The following SZT2 variants were observed in gnomAD, a reference collection of about 807,000 sequenced individuals.
The protein encoded by SZT2 is SZT2 subunit of KICSTOR complex.
A neutral mutation model predicts 404.2 loss-of-function variants in SZT2; 216 were observed. The observed-to-expected ratio is 0.53, with a 90% CI of 0.48 to 0.60. The LOEUF (loss-of-function observed/expected upper bound fraction) is 0.60, where lower values mean the gene tolerates loss of function less well. Among genes scored for constraint, SZT2 ranks in the 20% least tolerant of loss-of-function variants. The probability of loss-of-function intolerance (pLI) is 0.00; values close to 1 mark genes in which losing one functional copy is unlikely to be tolerated. For synonymous variants in SZT2, 1,693 were observed against 1,749.9 expected (o/e 0.97, Z 0.81); for missense variants, 3,857 against 4,459.2 (o/e 0.86, Z 3.85).
chr1:43,424,704 G>T lies in SZT2; in HGVS notation c.2472-80G>T. Reference sequence around the variant, plus strand: ...CTCCTTGAGGACTGCTGGGAGGTGGGTGTATGTGGGGAGAGCTTGTAGTCT... The same window carrying T: ...CTCCTTGAGGACTGCTGGGAGGTGGTTGTATGTGGGGAGAGCTTGTAGTCT... On this transcript the variant is annotated intron_variant, in intron 16 of 71. Transcript: ENST00000634258. This position sits in a 1 kb window ranked among gnomAD's most constrained non-coding sequence, Gnocchi z 4.1. The T allele has an allele frequency of 4.0e-6, 5 of 1,247,086 alleles. No individual in the cohort carries two copies. Among genetic ancestry groups the T allele is most frequent in the Non-Finnish European group, 5.8e-6 (5 of 858,382 alleles). 77.3% of individuals were successfully genotyped at this position (1,247,086 alleles called of 1,614,324 possible). A position where few individuals can be genotyped will look rare whatever the true frequency, so the allele number is the denominator to read the frequency against.
In SZT2 at chr1:43,420,772, C is replaced by T. The variant is rs747078636; in HGVS notation, c.1285C>T (p.Leu429=). The change falls in exon 10 of 72, where the codon CTG becomes TTG. Residue 429 remains leucine, a synonymous_variant. Transcript: ENST00000634258. This position sits in a 1 kb window ranked among gnomAD's most constrained non-coding sequence, Gnocchi z 5.1. ...AKGGSQLEVK[L]VLLWKHNMRI... is the part of the protein sequence containing the mutation. ...AGGAGGGTCCCAATTGGAGGTAAAGCTGGTGCTGCTGTGGAAACACAACAT... is the reference window on the plus strand; with the variant it reads ...AGGAGGGTCCCAATTGGAGGTAAAGTTGGTGCTGCTGTGGAAACACAACAT... 1.3e-6 allele frequency: 2 copies of T among 1,598,426 alleles called. No homozygotes were observed. The highest frequency in any genetic ancestry group is 1.7e-6 in the Non-Finnish European group (2 of 1,179,814).
rs984254808 is a variant in SZT2, at chr1:43,454,050, G to C, written c.*3570G>C. ...AAAAGGAGCAGGACCCGCGCCTGGA[G>C]AAGGTAGGGAGGCCGAGCTCCAGGG... On this transcript the variant is annotated 3_prime_UTR_variant, in exon 72 of 72. Coordinates refer to ENST00000634258, the MANE Select transcript of SZT2 (RefSeq NM_001365999.1). 4.4e-6 allele frequency: 5 copies of C among 1,143,848 alleles called. No individual in the cohort carries two copies. The Admixed American group carries it at 1.9e-4, about 44-fold the overall frequency. The allele number at this position is 1,143,848 out of a possible 1,614,324, so 70.9% of individuals were successfully genotyped here.
intron 4 of SZT2, 26 bp from the exon 5 acceptor site, chr1:43,415,056 C>T (rs1374123042): frequency 6.3e-7 from 1 of 1,595,420 alleles, no homozygotes; most frequent in East Asian, 2.2e-5. Flanking sequence ...ACCGTCCTGT[C>T]TCAGTCTTTC....
Position 43,430,743 on chromosome 1 carries a change from T to TG in SZT2, c.4731dup (p.Gln1578AlafsTer66). On this transcript the variant is annotated frameshift_variant, in exon 32 of 72. Coordinates refer to ENST00000634258, the MANE Select transcript of SZT2 (RefSeq NM_001365999.1). LOFTEE classifies it high-confidence loss of function. ...ACCTCACGTGCTCCGTGCGGCTACG[T>TG]GGGCAGCACAGCTCAGTACCTGTGT... 3 of 1,612,818 alleles carry TG rather than the reference T, an allele frequency of 1.9e-6. No homozygotes were observed. The highest frequency in any genetic ancestry group is 2.5e-6 in the Non-Finnish European group (3 of 1,179,992).
chr1:43,448,356 C>T lies in SZT2; in HGVS notation c.9841C>T (p.Arg3281Cys), dbSNP rs1442388656. ...GHCRRDTLWK[R>C]LFLLEPPGPD... Reference sequence around the variant, plus strand: ...CTGCCGTCGGGACACCCTTTGGAAGCGCCTCTTCTTGCTGGAGCCACCGGG... The same window carrying T: ...CTGCCGTCGGGACACCCTTTGGAAGTGCCTCTTCTTGCTGGAGCCACCGGG... Residue 3281 changes from arginine (R) to cysteine (C), a missense_variant, in exon 69 of 72, where the codon CGC (arginine) becomes TGC (cysteine). By Grantham distance (180) the Arg-to-Cys change is radical. Transcript: ENST00000634258. This position sits in a 1 kb window ranked among gnomAD's most constrained non-coding sequence, Gnocchi z 4.2. The T allele has an allele frequency of 6.4e-6, 10 of 1,554,250 alleles. No individual in the cohort carries two copies. Among genetic ancestry groups the T allele is most frequent in the Middle Eastern group, 1.7e-4 (1 of 6,010 alleles).
Position 43,451,628 on chromosome 1 carries a change from G to A in SZT2, c.*1148G>A, listed in dbSNP as rs757368137. On this transcript the variant is annotated 3_prime_UTR_variant, in exon 72 of 72. Transcript: ENST00000634258. The stretch of plus-strand genomic sequence containing the variant: ...ATGTGGGGATTGAAAGGGTGGGAGG[G>A]CAAAGGAAGGTCCTCTCACCAACAA... 1.9e-6 allele frequency: 3 copies of A among 1,613,980 alleles called. No individual in the cohort carries two copies. The Admixed American group carries it at 5.0e-5, about 27-fold the overall frequency.
chr1:43,425,787 C>T lies in SZT2; in HGVS notation c.2815-48C>T, dbSNP rs745515972. 1.2e-5 allele frequency: 19 copies of T among 1,600,238 alleles called. No individual in the cohort carries two copies. Among genetic ancestry groups the T allele is most frequent in the Non-Finnish European group, 1.6e-5 (19 of 1,168,804 alleles). ...CCTGAAGAGCTGGAACCCAGGGTAT[C>T]CTGGGCTAAGAGGGGTTGACTCCTG... On this transcript the variant is annotated intron_variant, in intron 19 of 71. Coordinates refer to ENST00000634258, the MANE Select transcript of SZT2 (RefSeq NM_001365999.1). This position sits in a 1 kb window ranked among gnomAD's most constrained non-coding sequence, Gnocchi z 4.3.
In SZT2 at chr1:43,430,335, G is replaced by A. The variant is rs1168415579; in HGVS notation, c.4426G>A (p.Asp1476Asn). 5 of 1,612,388 alleles carry A rather than the reference G, an allele frequency of 3.1e-6. No homozygotes were observed. Among genetic ancestry groups the A allele is most frequent in the Non-Finnish European group, 4.2e-6 (5 of 1,179,634 alleles). ...GGATGAGGGGCCTCGGGACACAGTA[G>A]ACAGAAAAATCAGTGACCTGGAGTT... ...REDEGPRDTV[D>N]RKISDLEFSE... The change falls in exon 31 of 72, where the codon GAC becomes AAC. Residue 1476 changes from aspartate to asparagine, a missense_variant. Coordinates refer to ENST00000634258, the MANE Select transcript of SZT2 (RefSeq NM_001365999.1).
chr1:43,427,735 G>A lies in SZT2; in HGVS notation c.3803+1G>A. On this transcript the variant is annotated splice_donor_variant, in intron 26 of 71. Transcript: ENST00000634258. LOFTEE classifies it high-confidence loss of function. ...AGGCGCCCCGAGACCTCATCTTCCGGTGAGTGCCTTCAGTGTTGACCTAAG... is the reference window on the plus strand; with the variant it reads ...AGGCGCCCCGAGACCTCATCTTCCGATGAGTGCCTTCAGTGTTGACCTAAG... 6.2e-7 allele frequency: 1 copy of A among 1,612,902 alleles called. No individual in the cohort carries two copies. Among genetic ancestry groups the A allele is most frequent in the Non-Finnish European group, 8.5e-7 (1 of 1,179,852 alleles).
intron 26 of SZT2, 23 bp downstream of exon 26, chr1:43,427,757 T>G: frequency 1.2e-6 from 2 of 1,609,996 alleles, no homozygotes; most frequent in Non-Finnish European, 8.5e-7. Context: ...AGTGTTGACC[T>G]AAGTCCTCGC....
intron 62 of SZT2, among the ~76,000 whole-genome samples, chr1:43,444,157 C>T (rs986378053): frequency 2.5e-4 from 38 of 152,150 alleles, no homozygotes; most frequent in African/African-American, 8.0e-4. Flanking sequence ...AGTGCAGTGG[C>T]GCGATCTCGG....
chr1:43,411,559 A>T (rs766604904), intron 4 of SZT2, among the ~76,000 whole-genome samples: 10 of 152,106 alleles, frequency 6.6e-5, no homozygotes, highest in Non-Finnish European at 1.5e-4. Context: ...CCCCTTTGAG[A>T]TTGGGCAGGA....
Position 43,432,722 on chromosome 1 carries a change from A to G in SZT2, c.5531-6A>G. ...GAGGCTCCAGGCATTTTCCTTCTCT[A>G]TCCAGGGAGTCAGCCTGGGCCCAGC... On this transcript the variant is annotated splice_polypyrimidine_tract_variant and splice_region_variant and intron_variant, in intron 38 of 71. Coordinates refer to ENST00000634258, the MANE Select transcript of SZT2 (RefSeq NM_001365999.1). 6.2e-7 allele frequency: 1 copy of G among 1,613,914 alleles called. No individual in the cohort carries two copies. Among genetic ancestry groups the G allele is most frequent in the South Asian group, 1.1e-5 (1 of 91,062 alleles).
rs183738799 is a variant in SZT2 at position 43,452,940 on chromosome 1, C to T, written c.*2460C>T. On this transcript the variant is annotated 3_prime_UTR_variant, in exon 72 of 72. Coordinates refer to ENST00000634258, the MANE Select transcript of SZT2 (RefSeq NM_001365999.1). Reference sequence around the variant, plus strand: ...AGGAACGCTGCCAAATACACCAGGCCTCCTCTTGCCACAGCACCCTTGCAA... The same window carrying T: ...AGGAACGCTGCCAAATACACCAGGCTTCCTCTTGCCACAGCACCCTTGCAA... 1.1e-5 allele frequency: 17 copies of T among 1,609,046 alleles called. No homozygotes were observed. The East Asian group carries it at 2.5e-4, about 23-fold the overall frequency.
At chr1:43,395,257 C>T (rs543556782) in intron 1 of SZT2, among the ~76,000 whole-genome samples, 3 of 152,150 alleles carry the variant, frequency 2.0e-5, no homozygotes, top group Non-Finnish European at 4.4e-5. Context: ...AGGTATTAGC[C>T]TGAACAGGTT....
intron 7 of SZT2, among the ~76,000 whole-genome samples, chr1:43,418,216 A>G (rs1176037872): frequency 1.3e-5 from 2 of 152,148 alleles, no homozygotes; most frequent in Non-Finnish European, 2.9e-5. Flanking sequence ...GAGAATGGTA[A>G]CCAGAGGGAA....
chr1:43,396,723 C>G (rs1284096387), intron 1 of SZT2, among the ~76,000 whole-genome samples: 1 of 152,246 alleles, frequency 6.6e-6, no homozygotes, highest in Non-Finnish European at 1.5e-5. Context: ...CACTTTCTTT[C>G]TGTAACACTG....
rs374868486 is a variant in SZT2 at position 43,429,969 on chromosome 1, G to A, written c.4309-42G>A. The A allele has an allele frequency of 1.6e-4, 257 of 1,613,284 alleles. 1 individual carries two copies. In the African/African-American group the frequency reaches 3.0e-3, roughly 19 times the overall value. The stretch of plus-strand genomic sequence containing the variant: ...AGGGTAGGGAGTAGTATCCTGTTGA[G>A]GGGTGACTGACATTCTAACCTCCTT... On this transcript the variant is annotated intron_variant, in intron 29 of 71. Transcript: ENST00000634258.
chr1:43,440,156 A>AACT (rs1654911140), intron 51 of SZT2, 108 bp downstream of exon 51: 2 of 1,438,538 alleles, frequency 1.4e-6, no homozygotes, highest in Non-Finnish European at 1.9e-6. Context: ...CATGTCAGAG[A>AACT]ACTACTACAT....
Sources: gnomAD v4.1 joint callset for allele counts (sites outside exome capture counted in the v4.1 genomes callset) on GRCh38, gnomAD v4.1.1 for gene constraint, Gnocchi (gnomAD v3.1) non-coding constraint, MANE v1.5 for transcripts, NCBI Gene and HGNC (gene_info 2026-07-23, HGNC 2026-07-21) for gene names.